The following PTPRK variants were observed in gnomAD, a reference collection of about 807,000 sequenced individuals.
PTPRK encodes the protein receptor-type tyrosine-protein phosphatase kappa.
Under a neutral mutation model 178.0 loss-of-function variants are expected in PTPRK, and 75 were observed. The observed-to-expected ratio is 0.42, with a 90% CI of 0.35 to 0.51. The LOEUF is 0.51. PTPRK is among the 20% of genes least tolerant of loss of function. PTPRK has a pLI of 0.02. For synonymous variants in PTPRK, 637 were observed against 620.6 expected (o/e 1.03, Z -0.39); for missense variants, 1,441 against 1,797.8 (o/e 0.80, Z 3.59).
At chr6:128,318,565 T>C (rs1828356595) in intron 3 of PTPRK, among the ~76,000 whole-genome samples, 1 of 152,202 alleles carries the variant, frequency 6.6e-6, no homozygotes, top group African/African-American at 2.4e-5. Context: ...GTAGTTTTCA[T>C]CACACATCAT....
intron 7 of PTPRK, among the ~76,000 whole-genome samples, chr6:128,168,189 C>A (rs1033626234): frequency 3.9e-5 from 6 of 151,998 alleles, no homozygotes; most frequent in Admixed American, 1.3e-4. Context: ...CCCAAATAAG[C>A]GGCAGCTCAA....
intron 1 of PTPRK, among the ~76,000 whole-genome samples, chr6:128,448,176 C>A (rs1196071747): frequency 6.6e-6 from 1 of 152,142 alleles, no homozygotes; most frequent in East Asian, 1.9e-4. Context: ...ACTATTCATG[C>A]CAGCGTCCTT....
chr6:128,036,708 A>G (rs1776278774), intron 13 of PTPRK, among the ~76,000 whole-genome samples: 1 of 151,980 alleles, frequency 6.6e-6, no homozygotes, highest in Non-Finnish European at 1.5e-5. Context: ...TTTTGAAAAT[A>G]AACGAACTGA....
intron 5 of PTPRK, chr6:128,238,214 A>G (rs948763633): frequency 7.4e-6 from 3 of 406,954 alleles, no homozygotes; most frequent in Non-Finnish European, 1.4e-5. Flanking sequence ...AAAAGAAAAA[A>G]AAAAGAGGTG....
intron 13 of PTPRK, among the ~76,000 whole-genome samples, chr6:128,012,520 T>C (rs1779165658): frequency 6.6e-6 from 1 of 151,288 alleles, no homozygotes; most frequent in Admixed American, 6.6e-5. Flanking sequence ...TTTACCATTT[T>C]TTTTATCTGC....
intron 2 of PTPRK, among the ~76,000 whole-genome samples, chr6:128,332,937 T>C (rs1265812842): frequency 6.6e-6 from 1 of 152,200 alleles, no homozygotes; most frequent in Non-Finnish European, 1.5e-5. Context: ...TGTTTTAAGA[T>C]TTTTCCAATT....
chr6:128,158,995 T>C (rs887884416), intron 7 of PTPRK, among the ~76,000 whole-genome samples: 2 of 151,778 alleles, frequency 1.3e-5, no homozygotes, highest in African/African-American at 4.8e-5. Flanking sequence ...ATTGTAGGGG[T>C]CAAAAATCCT....
chr6:128,251,148 T>C (rs912755185), intron 3 of PTPRK, among the ~76,000 whole-genome samples: 7 of 152,200 alleles, frequency 4.6e-5, no homozygotes, highest in African/African-American at 1.7e-4. Flanking sequence ...GTTTACTTAG[T>C]TCCTGAAGGA....
At chr6:128,262,857 CAAAA>C (rs747334195) in intron 3 of PTPRK, among the ~76,000 whole-genome samples, 1 of 75,106 alleles carries the variant, frequency 1.3e-5, no homozygotes, top group Admixed American at 1.4e-4. Flanking sequence ...AACCAATAAC[CAAAA>C]AAAAAAAAAA....
At chr6:128,191,431 G>T (rs1192286685) in intron 6 of PTPRK, among the ~76,000 whole-genome samples, 1 of 151,974 alleles carries the variant, frequency 6.6e-6, no homozygotes, top group Non-Finnish European at 1.5e-5. Flanking sequence ...GGAGTTTGTA[G>T]GGAAATGGAG....
chr6:128,407,793 G>T (rs150452522), intron 1 of PTPRK, among the ~76,000 whole-genome samples: 2 of 152,050 alleles, frequency 1.3e-5, no homozygotes, highest in African/African-American at 2.4e-5. Context: ...AAATTGTAAG[G>T]TTTATTAAAA....
chr6:128,034,925 A>AT (rs1775954362), intron 13 of PTPRK, among the ~76,000 whole-genome samples: 2 of 152,248 alleles, frequency 1.3e-5, no homozygotes, highest in African/African-American at 4.8e-5. Context: ...GTCAGAAAAC[A>AT]TATTACCAAG....
chr6:128,476,475 A>G (rs1406011708), intron 1 of PTPRK, among the ~76,000 whole-genome samples: 3 of 152,072 alleles, frequency 2.0e-5, no homozygotes, highest in Admixed American at 2.0e-4. Flanking sequence ...GCTAGAAACC[A>G]TCCTTGTTGT....
intron 2 of PTPRK, among the ~76,000 whole-genome samples, chr6:128,344,401 G>C (rs1014563841): frequency 6.6e-6 from 1 of 152,218 alleles, no homozygotes; most frequent in African/African-American, 2.4e-5. Flanking sequence ...TTGGAGATCT[G>C]TGTTTATCAA....
intron 1 of PTPRK, among the ~76,000 whole-genome samples, chr6:128,471,456 A>G (rs1013483860): frequency 2.0e-5 from 3 of 151,816 alleles, no homozygotes; most frequent in East Asian, 1.9e-4. Context: ...AAAAATAATA[A>G]TGATAGAAAC....
chr6:128,443,266 G>A (rs974714993), intron 1 of PTPRK, among the ~76,000 whole-genome samples: 1 of 152,072 alleles, frequency 6.6e-6, no homozygotes, highest in Non-Finnish European at 1.5e-5. Context: ...AAACACACAA[G>A]TCTTTATGAT....
At chr6:128,045,705 ATATT>A (rs1470605872) in intron 13 of PTPRK, among the ~76,000 whole-genome samples, 1 of 152,116 alleles carries the variant, frequency 6.6e-6, no homozygotes, top group African/African-American at 2.4e-5. Flanking sequence ...CTGAATAACA[ATATT>A]AATTAATTCA....
intron 1 of PTPRK, among the ~76,000 whole-genome samples, chr6:128,455,046 G>A (rs1848228097): frequency 1.3e-5 from 2 of 152,184 alleles, no homozygotes; most frequent in South Asian, 4.1e-4. Context: ...GCAATTAATA[G>A]CATATAAAAC....
intron 18 of PTPRK, among the ~76,000 whole-genome samples, chr6:127,994,066 T>G (rs1776883446): frequency 6.6e-6 from 1 of 151,736 alleles, no homozygotes; most frequent in South Asian, 2.1e-4. Context: ...TACATAATGA[T>G]GTTTGATAAA....
Sources: allele counts gnomAD v4.1 joint callset (sites outside exome capture counted in the v4.1 genomes callset), GRCh38; gene constraint gnomAD v4.1.1; transcripts MANE v1.5; gene names NCBI Gene and HGNC (gene_info 2026-07-23, HGNC 2026-07-21).